DENND1C: variants seen among roughly 807,000 people sequenced by gnomAD.
DENND1C encodes the protein DENN domain-containing protein 1C.
A neutral mutation model predicts 87.9 loss-of-function variants in DENND1C; 64 were observed. The ratio of observed to expected loss-of-function variants is 0.73; its 90% CI spans 0.60 to 0.90. The LOEUF (loss-of-function observed/expected upper bound fraction) is 0.90. Among genes scored for constraint, DENND1C ranks in the 40% least tolerant of loss-of-function variants. The probability of loss-of-function intolerance (pLI) is 0.00; values close to 1 mark genes in which losing one functional copy is unlikely to be tolerated. For missense variants in DENND1C, 980 were observed against 1,037.0 expected, an observed-to-expected ratio of 0.95 and a Z score of 0.76; for synonymous variants, 384 against 424.4, an observed-to-expected ratio of 0.90 and a Z score of 1.17.
intron 14 of DENND1C, among the ~76,000 whole-genome samples, chr19:6,473,424 A>G (rs2092840252): frequency 7.0e-6 from 1 of 142,824 alleles, no homozygotes. Context: ...AAGTGCTGGG[A>G]TTACAGGTGT....
chr19:6,481,649 C>A lies in DENND1C; in HGVS notation c.17+30G>T, dbSNP rs1284100032. The A allele has an allele frequency of 8.7e-6, 14 of 1,612,148 alleles. No homozygotes were observed. The African/African-American group carries it at 1.7e-4, about 20-fold the overall frequency. On this transcript the variant is annotated intron_variant, in intron 1 of 22. Coordinates refer to ENST00000381480, the MANE Select transcript of DENND1C (RefSeq NM_024898.4). ...TCAGGCCTGGCCCGGGAATCTTGTA[C>A]CAGAGAATGAGGGATGGGGTGGCTC...
chr19:6,472,112 T>C (rs1316180609), intron 15 of DENND1C, among the ~76,000 whole-genome samples: 4 of 152,266 alleles, frequency 2.6e-5, no homozygotes, highest in Middle Eastern at 3.4e-3. Flanking sequence ...ACCCCATCTT[T>C]AGGGATCTTG....
At chr19:6,472,793 C>T in intron 15 of DENND1C, 96 bp downstream of exon 15, 2 of 1,048,290 alleles carry the variant, frequency 1.9e-6, no homozygotes, top group Non-Finnish European at 2.6e-6. Flanking sequence ...CTCAGGGACC[C>T]AGGAGTCTGC....
chr19:6,481,601 C>G, intron 1 of DENND1C, 78 bp downstream of exon 1: 2 of 1,598,046 alleles, frequency 1.3e-6, no homozygotes, highest in African/African-American at 1.3e-5. Context: ...CCTGCTCCAG[C>G]CCCAGCTCCC....
intron 6 of DENND1C, among the ~76,000 whole-genome samples, chr19:6,477,755 A>AT (rs2092871537): frequency 6.8e-6 from 1 of 146,600 alleles, no homozygotes; most frequent in Non-Finnish European, 1.5e-5. Flanking sequence ...GGCTTTTTAA[A>AT]TTTTTTAATT....
intron 1 of DENND1C, chr19:6,480,383 C>T (rs1229467834): frequency 1.6e-6 from 2 of 1,236,760 alleles, no homozygotes; most frequent in Non-Finnish European, 2.0e-6. Flanking sequence ...AGACTGTCTC[C>T]TATATCTGTG....
chr19:6,468,060 G>C lies in DENND1C; in HGVS notation c.1850C>G (p.Pro617Arg). 6.2e-7 allele frequency: 1 copy of C among 1,613,950 alleles called. No individual in the cohort carries two copies. Among genetic ancestry groups the C allele is most frequent in the Non-Finnish European group, 8.5e-7 (1 of 1,179,874 alleles). The change falls in exon 23 of 23, where the codon CCC becomes CGC. Residue 617 changes from proline to arginine, a missense_variant. By Grantham distance (103) the Pro-to-Arg change is moderately radical (BLOSUM62 -2). Transcript: ENST00000381480. ...ATTTTGCAGGGATGGCAGGGAAAGG[G>C]GCTGGGGCTCCGGCTCTGGTAGTTT... ...DKKLPEPEPQ[P>R]LSLPSLQNAS...
chr19:6,478,032 A>G (rs926279705), intron 6 of DENND1C, among the ~76,000 whole-genome samples: 9 of 151,760 alleles, frequency 5.9e-5, no homozygotes, highest in African/African-American at 2.2e-4. Flanking sequence ...GCGGAATCGC[A>G]CCACCGCACT....
chr19:6,479,541 T>C (rs1185966222), intron 4 of DENND1C, 128 bp downstream of exon 4: 8 of 1,171,546 alleles, frequency 6.8e-6, no homozygotes, highest in Non-Finnish European at 1.0e-5. Context: ...CCTGAGTGTC[T>C]GAGTCTCTGA....
At chr19:6,472,837 G>A in intron 15 of DENND1C, 52 bp downstream of exon 15, 2 of 1,396,034 alleles carry the variant, frequency 1.4e-6, no homozygotes, top group Non-Finnish European at 1.9e-6. Flanking sequence ...AGCCCTCGGG[G>A]ACTCAGCAGT....
Position 6,468,380 on chromosome 19 carries a change from T to C in DENND1C, c.1645A>G (p.Ser549Gly), listed in dbSNP as rs1206750298. ...CPWAEEALDS[S>G]FLGSGEELDL... ...AGTTCTTCTCCAGACCCCAAGAAGC[T>C]GCTGTCCAGAGCTTCTTCTGCCCAC... Residue 549 changes from serine (S) to glycine (G), a missense_variant, in exon 22 of 23, where the codon AGC becomes GGC. Coordinates refer to ENST00000381480, the MANE Select transcript of DENND1C (RefSeq NM_024898.4). 6.2e-7 allele frequency: 1 copy of C among 1,613,770 alleles called. No homozygotes were observed. Among genetic ancestry groups the C allele is most frequent in the African/African-American group, 1.3e-5 (1 of 74,906 alleles).
rs1449051971 is a variant in DENND1C at position 6,467,571 on chromosome 19, T to C, written c.2339A>G (p.Asn780Ser). 5.6e-6 allele frequency: 9 copies of C among 1,607,242 alleles called. No homozygotes were observed. The highest frequency in any genetic ancestry group is 7.6e-6 in the Non-Finnish European group (9 of 1,177,702). The change falls in exon 23 of 23, where the codon AAC (asparagine) becomes AGC (serine). Residue 780 changes from asparagine to serine, a missense_variant. Physicochemically the swap from Asn to Ser is conservative, Grantham distance 46. Transcript: ENST00000381480. The part of the protein sequence containing the change: ...ALNSPATPTS[N>S]CQKSQPSSRP... ...GCTGCTGGGCTGGGACTTTTGACAG[T>C]TGCTGGTGGGTGTAGCAGGGGAATT... is the stretch of plus-strand genomic sequence containing the variant.
intron 14 of DENND1C, among the ~76,000 whole-genome samples, chr19:6,474,905 C>G (rs148284361): frequency 1.3e-5 from 2 of 152,072 alleles, no homozygotes; most frequent in African/African-American, 4.8e-5. Context: ...CCCGTTTTTA[C>G]TAAAACTACA....
At position 6,468,071 on chromosome 19, in the gene DENND1C, C is replaced by T. The variant is rs770244356; in HGVS notation, c.1839G>A (p.Pro613=). 2.0e-5 allele frequency: 32 copies of T among 1,613,558 alleles called. No homozygotes were observed. The highest frequency in any genetic ancestry group is 4.4e-5 in the South Asian group (4 of 91,052). The change falls in exon 23 of 23, where the codon CCG becomes CCA. Residue 613 remains proline, a synonymous_variant. Coordinates refer to ENST00000381480, the MANE Select transcript of DENND1C (RefSeq NM_024898.4). ...ATGGCAGGGAAAGGGGCTGGGGCTC[C>T]GGCTCTGGTAGTTTCTTATCGTCTG... ...WQPDDKKLPE[P]EPQPLSLPSL... is the part of the protein sequence containing the mutation.
chr19:6,467,680 G>A lies in DENND1C; in HGVS notation c.2230C>T (p.Leu744=), dbSNP rs772642819. ...GGAGGCCGGGCTCTGGGGTCCTCCA[G>A]AGAACTGGGGTCTGAGGAAGGATCA... The part of the protein sequence containing the change: ...PLDPSSDPSS[L]EDPRARPPKA... Residue 744 remains leucine, a synonymous_variant, in exon 23 of 23, where the codon CTG becomes TTG. Coordinates refer to ENST00000381480, the MANE Select transcript of DENND1C (RefSeq NM_024898.4). 2 of 1,522,012 alleles carry A rather than the reference G, an allele frequency of 1.3e-6. No individual in the cohort carries two copies. The highest frequency in any genetic ancestry group is 1.3e-5 in the South Asian group (1 of 75,586). The allele number at this position is 1,522,012 out of a possible 1,614,324, so 94.3% of individuals were successfully genotyped here. A position where few individuals can be genotyped will look rare whatever the true frequency, so the allele number is the denominator to read the frequency against.
In DENND1C at chr19:6,468,591, G is replaced by A; in HGVS notation, c.1570C>T (p.Pro524Ser). 1 of 1,530,102 alleles carries A rather than the reference G, an allele frequency of 6.5e-7. No individual in the cohort carries two copies. Among genetic ancestry groups the A allele is most frequent in the Non-Finnish European group, 8.8e-7 (1 of 1,140,448 alleles). 94.8% of individuals were successfully genotyped at this position (1,530,102 alleles called of 1,614,324 possible). A position where few individuals can be genotyped will look rare whatever the true frequency, so the allele number is the denominator to read the frequency against. The change falls in exon 21 of 23, where the codon CCC (proline) becomes TCC (serine). Residue 524 changes from proline to serine, a missense_variant. Coordinates refer to ENST00000381480, the MANE Select transcript of DENND1C (RefSeq NM_024898.4). ...RRQLEEGTSE[P>S]PGAGTPPLSP... Reference sequence around the variant, plus strand: ...TTTTTGCCTTACCCCGCCCCTGGGGGCTCGGAAGTTCCCTCTTCCAGCTGG... The same window carrying A: ...TTTTTGCCTTACCCCGCCCCTGGGGACTCGGAAGTTCCCTCTTCCAGCTGG...
chr19:6,472,413 C>G (rs983204116), intron 15 of DENND1C, among the ~76,000 whole-genome samples: 10 of 152,060 alleles, frequency 6.6e-5, no homozygotes, highest in Admixed American at 6.6e-4. Flanking sequence ...TTGTTTGAGA[C>G]GGAGTCTCGC....
At chr19:6,470,555 A>G (rs2092821914) in intron 17 of DENND1C, among the ~76,000 whole-genome samples, 189 bp from the exon 18 acceptor site, 1 of 151,298 alleles carries the variant, frequency 6.6e-6, no homozygotes, top group Non-Finnish European at 1.5e-5. Flanking sequence ...AATGAGACAC[A>G]CTTAAGTGTT....
chr19:6,479,923 C>CT, intron 2 of DENND1C, 21 bp from the exon 3 acceptor site: 1 of 1,597,048 alleles, frequency 6.3e-7, no homozygotes, highest in Non-Finnish European at 8.5e-7. Flanking sequence ...GAGCACGCCT[C>CT]TAAGTTCAGC....
Sources: allele counts gnomAD v4.1 joint callset (sites outside exome capture counted in the v4.1 genomes callset), GRCh38; gene constraint gnomAD v4.1.1; transcripts MANE v1.5; gene names NCBI Gene and HGNC (gene_info 2026-07-23, HGNC 2026-07-21).